Variants in RCBTB2 observed in about 807,000 individuals in gnomAD.
The protein encoded by RCBTB2 is RCC1 and BTB domain-containing protein 2.
In RCBTB2, 55 loss-of-function variants were observed where a neutral mutation model predicts 65.4. The observed-to-expected ratio is 0.84, with a 90% CI of 0.68 to 1.05. RCBTB2 has a LOEUF of 1.05. RCBTB2 is among the 50% of genes least tolerant of loss of function. The pLI, the probability that RCBTB2 is intolerant of heterozygous loss-of-function variation, is 0.00. For missense variants in RCBTB2, 599 were observed against 680.1 expected, an observed-to-expected ratio of 0.88 and a Z score of 1.33; for synonymous variants, 220 against 255.2, an observed-to-expected ratio of 0.86 and a Z score of 1.31.
At chr13:48,510,099 G>A (rs1253823927) in intron 10 of RCBTB2, among the ~76,000 whole-genome samples, 1 of 152,208 alleles carries the variant, frequency 6.6e-6, no homozygotes, top group Admixed American at 6.5e-5. Context: ...TTGCAAACAA[G>A]TGCACAAAAG....
At chr13:48,514,379 A>T (rs1950971445) in intron 6 of RCBTB2, among the ~76,000 whole-genome samples, 1 of 152,216 alleles carries the variant, frequency 6.6e-6, no homozygotes, top group Non-Finnish European at 1.5e-5. Context: ...TTTAAAACTT[A>T]TGAATTGTTT....
intron 10 of RCBTB2, among the ~76,000 whole-genome samples, chr13:48,504,918 C>T (rs1950417448): frequency 6.6e-6 from 1 of 152,150 alleles, no homozygotes; most frequent in Non-Finnish European, 1.5e-5. Flanking sequence ...GGTAATCTCA[C>T]TGACTTATTA....
chr13:48,527,343 T>TG (rs1951823575), intron 1 of RCBTB2, among the ~76,000 whole-genome samples: 6 of 125,392 alleles, frequency 4.8e-5, no homozygotes, highest in African/African-American at 2.9e-4. Context: ...ATATGATATA[T>TG]ATATATATGA....
At chr13:48,524,871 A>G (rs1951621496) in intron 1 of RCBTB2, 114 bp from the exon 2 acceptor site, 1 of 152,200 alleles carries the variant, frequency 6.6e-6, no homozygotes, top group Non-Finnish European at 1.5e-5. Context: ...CAGCTTAAAA[A>G]TTGTATCTGT....
intron 10 of RCBTB2, among the ~76,000 whole-genome samples, chr13:48,508,667 G>A (rs1251481195): frequency 6.6e-6 from 1 of 152,144 alleles, no homozygotes; most frequent in African/African-American, 2.4e-5. Context: ...GCCTCCCAAA[G>A]TGCTGGGATT....
intron 12 of RCBTB2, among the ~76,000 whole-genome samples, chr13:48,500,837 C>CA: frequency 6.6e-6 from 1 of 152,276 alleles, no homozygotes; most frequent in South Asian, 2.1e-4. Flanking sequence ...ATCCACCCCC[C>CA]TTCTTTCATG....
intron 2 of RCBTB2, among the ~76,000 whole-genome samples, chr13:48,524,180 G>A (rs188319200): frequency 1.5e-4 from 23 of 152,044 alleles, no homozygotes; most frequent in African/African-American, 4.8e-4. Context: ...CAATTTGCAT[G>A]TATAGTTTGT....
chr13:48,506,627 G>A (rs1290563162), intron 10 of RCBTB2, among the ~76,000 whole-genome samples: 1 of 152,204 alleles, frequency 6.6e-6, no homozygotes, highest in Admixed American at 6.5e-5. Flanking sequence ...GCAGGTGTGG[G>A]GGCCAATGTA....
At chr13:48,523,825 T>A (rs369741042) in intron 2 of RCBTB2, among the ~76,000 whole-genome samples, 3 of 152,264 alleles carry the variant, frequency 2.0e-5, no homozygotes, top group South Asian at 4.1e-4. Context: ...GTGTCTTTTA[T>A]CAATTTCAAG....
chr13:48,502,908 G>A lies in RCBTB2; in HGVS notation c.933C>T (p.Ile311=), dbSNP rs1322869568. ...TPVTVEKDRI[I]EIAACHSTHT... is the part of the protein sequence containing the mutation. ...GTGTGGAGTGACAGGCTGCAATCTC[G>A]ATAATCCTAAATTCACAAACACACA... Residue 311 remains isoleucine (I), a synonymous_variant, in exon 11 of 15, where the codon ATC becomes ATT. Coordinates refer to ENST00000344532, the MANE Select transcript of RCBTB2 (RefSeq NM_001268.4). 9 of 1,610,282 alleles carry A rather than the reference G, an allele frequency of 5.6e-6. No homozygotes were observed. The highest frequency in any genetic ancestry group is 1.3e-5 in the African/African-American group (1 of 74,886).
rs1206286620 is a variant in RCBTB2, at chr13:48,502,754, G to C, written c.1087C>G (p.Pro363Ala). 1.9e-6 allele frequency: 3 copies of C among 1,613,170 alleles called. No individual in the cohort carries two copies. In the South Asian group the frequency reaches 3.3e-5, roughly 18 times the overall value. The change falls in exon 11 of 15, where the codon CCC becomes GCC. Residue 363 changes from proline (P) to alanine (A), a missense_variant. Transcript: ENST00000344532. ...TDDVFACFAT[P>A]AVTWRLLSVE... Reference sequence around the variant, plus strand: ...GAGAGGAGGCGCCACGTGACGGCGGGCGTGGCAAAGCAGGCAAACACGTCG... The same window carrying C: ...GAGAGGAGGCGCCACGTGACGGCGGCCGTGGCAAAGCAGGCAAACACGTCG...
chr13:48,532,870 G>C, intron 1 of RCBTB2, 158 bp downstream of exon 1: 1 of 394,982 alleles, frequency 2.5e-6, no homozygotes, highest in Non-Finnish European at 5.1e-6. Flanking sequence ...CTGTGGCACG[G>C]TCGCGGCTCT....
intron 10 of RCBTB2, among the ~76,000 whole-genome samples, chr13:48,505,179 G>A (rs1331279610): frequency 2.6e-5 from 4 of 152,092 alleles, no homozygotes; most frequent in African/African-American, 9.7e-5. Context: ...TTAGCACCTA[G>A]GAGCCTTGGT....
At chr13:48,517,638 A>C (rs1327774877) in intron 4 of RCBTB2, among the ~76,000 whole-genome samples, 1 of 152,200 alleles carries the variant, frequency 6.6e-6, no homozygotes, top group Non-Finnish European at 1.5e-5. Context: ...AAGCAGAGCC[A>C]CCAGCTTTTT....
intron 9 of RCBTB2, among the ~76,000 whole-genome samples, chr13:48,511,301 C>T (rs1246920524): frequency 6.6e-6 from 1 of 152,028 alleles, no homozygotes; most frequent in Non-Finnish European, 1.5e-5. Context: ...TCTTTGTATA[C>T]AATACATCAT....
intron 6 of RCBTB2, among the ~76,000 whole-genome samples, 166 bp from the exon 7 acceptor site, chr13:48,513,061 GTA>G (rs1431389596): frequency 2.6e-5 from 4 of 152,180 alleles, no homozygotes; most frequent in Non-Finnish European, 4.4e-5. Flanking sequence ...TATTTGGAAA[GTA>G]TAAACTGCAT....
intron 1 of RCBTB2, chr13:48,532,733 G>C (rs1593851000): frequency 3.4e-6 from 1 of 294,546 alleles, no homozygotes; most frequent in African/African-American, 2.4e-5. Context: ...GCAGCGCACC[G>C]GGCCCACGCC....
intron 1 of RCBTB2, among the ~76,000 whole-genome samples, chr13:48,531,472 C>G (rs549122765): frequency 9.9e-5 from 15 of 152,216 alleles, no homozygotes; most frequent in Non-Finnish European, 2.1e-4. Context: ...AGTCACCTCT[C>G]TGAAATGATG....
At chr13:48,499,554 T>G (rs1950138989) in intron 13 of RCBTB2, 67 bp downstream of exon 13, 2 of 1,531,772 alleles carry the variant, frequency 1.3e-6, no homozygotes, top group Non-Finnish European at 1.8e-6. Context: ...TTCTTTTAGG[T>G]TCTATAGAAA....
Sources: allele counts gnomAD v4.1 joint callset (sites outside exome capture counted in the v4.1 genomes callset), GRCh38; gene constraint gnomAD v4.1.1; transcripts MANE v1.5; gene names NCBI Gene and HGNC (gene_info 2026-07-23, HGNC 2026-07-21).